Variants in ADAMTS18 observed in about 807,000 individuals in gnomAD.
ADAMTS18 encodes the protein A disintegrin and metalloproteinase with thrombospondin motifs 18.
ADAMTS18 carries 157 observed loss-of-function variants against 165.9 expected under a neutral mutation model. That is an observed-to-expected ratio of 0.95 (90% CI 0.83 to 1.08). ADAMTS18 has a LOEUF of 1.08. ADAMTS18 is among the 50% of genes least tolerant of loss of function. The probability of loss-of-function intolerance (pLI) is 0.00; values close to 1 mark genes in which losing one functional copy is unlikely to be tolerated. For synonymous variants in ADAMTS18, 782 were observed against 578.2 expected, an observed-to-expected ratio of 1.35 and a Z score of -5.06; for missense variants, 2,040 against 1,534.0, an observed-to-expected ratio of 1.33 and a Z score of -5.51.
chr16:77,313,008 G>A (rs759768260), intron 16 of ADAMTS18, among the ~76,000 whole-genome samples: 21 of 152,178 alleles, frequency 1.4e-4, no homozygotes, highest in African/African-American at 1.7e-4. Context: ...TATTTATTGC[G>A]GCACTATTCA....
chr16:77,286,051 G>A (rs1212101224), intron 22 of ADAMTS18, among the ~76,000 whole-genome samples: 1 of 152,114 alleles, frequency 6.6e-6, no homozygotes, highest in Non-Finnish European at 1.5e-5. Context: ...TACACTGACT[G>A]ACAAGGCCTC....
intron 11 of ADAMTS18, among the ~76,000 whole-genome samples, chr16:77,338,448 T>G (rs956670985): frequency 5.9e-5 from 9 of 151,518 alleles, no homozygotes; most frequent in Non-Finnish European, 1.3e-4. Context: ...TGTTGACCAG[T>G]GTAGTCTCGA....
intron 3 of ADAMTS18, among the ~76,000 whole-genome samples, chr16:77,412,084 C>T (rs2057471948): frequency 6.6e-6 from 1 of 151,994 alleles, no homozygotes; most frequent in Admixed American, 6.6e-5. Flanking sequence ...AAGCAGATGG[C>T]CCTCCCCAAT....
intron 12 of ADAMTS18, among the ~76,000 whole-genome samples, chr16:77,331,175 A>AATG (rs2056182967): frequency 6.6e-6 from 1 of 152,208 alleles, no homozygotes; most frequent in African/African-American, 2.4e-5. Context: ...TTCCATGAAC[A>AATG]ATGCCCTATT....
intron 1 of ADAMTS18, 25 bp from the exon 2 acceptor site, chr16:77,434,530 G>T: frequency 6.5e-7 from 1 of 1,541,168 alleles, no homozygotes. Context: ...GTGACATCGC[G>T]CGTGAGGGGC....
intron 3 of ADAMTS18, among the ~76,000 whole-genome samples, chr16:77,387,210 C>G (rs1454006158): frequency 6.6e-6 from 1 of 152,126 alleles, no homozygotes; most frequent in Non-Finnish European, 1.5e-5. Flanking sequence ...CTTGGCTCAC[C>G]TAACCATCAT....
chr16:77,416,037 C>T (rs2057525923), intron 3 of ADAMTS18, among the ~76,000 whole-genome samples: 2 of 151,782 alleles, frequency 1.3e-5, no homozygotes, highest in Non-Finnish European at 2.9e-5. Context: ...ATATGCTAGG[C>T]GATAAACAAG....
At chr16:77,378,425 T>A (rs760396469) in intron 3 of ADAMTS18, among the ~76,000 whole-genome samples, 1 of 151,748 alleles carries the variant, frequency 6.6e-6, no homozygotes, top group Non-Finnish European at 1.5e-5. Context: ...TTTAATGTGC[T>A]AAAAACAGGC....
intron 10 of ADAMTS18, among the ~76,000 whole-genome samples, chr16:77,348,465 A>G (rs971994228): frequency 3.9e-5 from 6 of 152,224 alleles, no homozygotes; most frequent in African/African-American, 1.4e-4. Flanking sequence ...TGCATCCTGC[A>G]GACAGGCAGC....
At chr16:77,314,340 G>C (rs369667935) in intron 16 of ADAMTS18, among the ~76,000 whole-genome samples, 3 of 152,016 alleles carry the variant, frequency 2.0e-5, no homozygotes, top group East Asian at 3.9e-4. Flanking sequence ...GCTGGGCGTG[G>C]TGCACACCAG....
chr16:77,425,699 G>A (rs932624141), intron 3 of ADAMTS18, among the ~76,000 whole-genome samples: 90 of 152,116 alleles, frequency 5.9e-4, no homozygotes, highest in Non-Finnish European at 4.7e-4. Flanking sequence ...CTCTTTTAGC[G>A]TGAACCGCAG....
chr16:77,395,575 TC>T (rs767314743), intron 3 of ADAMTS18, among the ~76,000 whole-genome samples: 66 of 152,298 alleles, frequency 4.3e-4, no homozygotes, highest in Non-Finnish European at 7.9e-4. Flanking sequence ...AGCACTATGC[TC>T]CTTTCTTTTG....
chr16:77,363,895 C>A lies in ADAMTS18; in HGVS notation c.973-10G>T, dbSNP rs374929794. 8 of 1,613,076 alleles carry A rather than the reference C, an allele frequency of 5.0e-6. No homozygotes were observed. Among genetic ancestry groups the A allele is most frequent in the East Asian group, 2.2e-5 (1 of 44,852 alleles). ...TAAATAGGCCAGAAACCTGTTGGAA[C>A]AATGGAAATCAAACAAAATCTCAAA... is the stretch of plus-strand genomic sequence containing the variant. On this transcript the variant is annotated splice_polypyrimidine_tract_variant and intron_variant, in intron 5 of 22. Coordinates refer to ENST00000282849, the MANE Select transcript of ADAMTS18 (RefSeq NM_199355.4).
rs146349395 is a variant in ADAMTS18, at chr16:77,365,099, C to T, written c.779-718G>A. On this transcript the variant is annotated intron_variant, in intron 4 of 22. Coordinates refer to ENST00000282849, the MANE Select transcript of ADAMTS18 (RefSeq NM_199355.4). Reference sequence around the variant, plus strand: ...CCATAAGGAAGTCTCTCCTTTATGTCCTCAAAAGAAACACCCAACCACACC... The same window carrying T: ...CCATAAGGAAGTCTCTCCTTTATGTTCTCAAAAGAAACACCCAACCACACC... 3.5e-3 allele frequency among the ~76,000 whole-genome samples: 526 copies of T among 152,192 alleles called. 2 individuals are homozygous for T. Among genetic ancestry groups the T allele is most frequent in the Non-Finnish European group, 5.8e-3 (393 of 68,016 alleles).
chr16:77,411,844 G>A (rs1284177374), intron 3 of ADAMTS18, among the ~76,000 whole-genome samples: 1 of 151,592 alleles, frequency 6.6e-6, no homozygotes, highest in Non-Finnish European at 1.5e-5. Context: ...CCACCACCAA[G>A]CCCAGCTAAT....
intron 12 of ADAMTS18, among the ~76,000 whole-genome samples, chr16:77,331,294 CT>C (rs2056185044): frequency 6.6e-6 from 1 of 152,098 alleles, no homozygotes; most frequent in African/African-American, 2.4e-5. Flanking sequence ...TAATCTATGT[CT>C]TTCTTGGGAA....
intron 17 of ADAMTS18, among the ~76,000 whole-genome samples, chr16:77,299,428 C>T (rs1240042740): frequency 6.6e-6 from 1 of 152,136 alleles, no homozygotes; most frequent in Admixed American, 6.5e-5. Context: ...CATGGACCTA[C>T]AGATAGGCCT....
At chr16:77,298,251 T>C (rs1022469593) in intron 17 of ADAMTS18, among the ~76,000 whole-genome samples, 3 of 152,168 alleles carry the variant, frequency 2.0e-5, no homozygotes, top group African/African-American at 4.8e-5. Context: ...CCCACTGCCT[T>C]GCTTTCAACA....
At chr16:77,329,494 T>C (rs950629307) in intron 12 of ADAMTS18, among the ~76,000 whole-genome samples, 16 of 152,266 alleles carry the variant, frequency 1.1e-4, no homozygotes, top group African/African-American at 3.9e-4. Flanking sequence ...ATAGGAACAG[T>C]TGTGACAATT....
Sources: gnomAD v4.1 joint callset for allele counts (sites outside exome capture counted in the v4.1 genomes callset) on GRCh38, gnomAD v4.1.1 for gene constraint, MANE v1.5 for transcripts, NCBI Gene and HGNC (gene_info 2026-07-23, HGNC 2026-07-21) for gene names.